Variants in LCLAT1 observed in about 807,000 individuals in gnomAD.
LCLAT1 encodes 1-AGP acyltransferase 8.
A neutral mutation model predicts 30.7 loss-of-function variants in LCLAT1; 11 were observed. The ratio of observed to expected loss-of-function variants is 0.36; its 90% CI spans 0.23 to 0.59. The LOEUF is 0.59. LCLAT1 is among the 20% of genes least tolerant of loss of function. LCLAT1 has a pLI of 0.77. For missense variants in LCLAT1, 402 were observed against 458.6 expected (o/e 0.88, Z 1.13); for synonymous variants, 155 against 151.3 (o/e 1.02, Z -0.18).
At chr2:30,469,574 C>CTTTTTTTTTTT (rs199634493) in intron 1 of LCLAT1, among the ~76,000 whole-genome samples, 1 of 103,836 alleles carries the variant, frequency 9.6e-6, no homozygotes. Flanking sequence ...CAGGTCTCTT[C>CTTTTTTTTTTT]TTTTTTTTTT....
chr2:30,587,099 C>T (rs1481364447), intron 5 of LCLAT1, among the ~76,000 whole-genome samples: 4 of 152,234 alleles, frequency 2.6e-5, no homozygotes, highest in African/African-American at 9.6e-5. Flanking sequence ...CTTGTCCTTT[C>T]TTGCTCTGTC....
At chr2:30,596,312 T>A (rs887488665) in intron 5 of LCLAT1, among the ~76,000 whole-genome samples, 15 of 152,102 alleles carry the variant, frequency 9.9e-5, no homozygotes, top group African/African-American at 1.4e-4. Flanking sequence ...TGTTGTTTCA[T>A]GACTTTTAAA....
At chr2:30,572,024 G>C (rs1422529119) in intron 5 of LCLAT1, among the ~76,000 whole-genome samples, 1 of 152,216 alleles carries the variant, frequency 6.6e-6, no homozygotes, top group Non-Finnish European at 1.5e-5. Context: ...TCATGAAGCA[G>C]AAATTATTCA....
rs1666268025 is a variant in LCLAT1 at position 30,582,961 on chromosome 2, C to T, written c.628+14785C>T. Reference sequence around the variant, plus strand: ...GCTATTCTTTTATAAAGGTCATCCTCTTTTATGACTTCAGAACTTTTAATA... The same window carrying T: ...GCTATTCTTTTATAAAGGTCATCCTTTTTTATGACTTCAGAACTTTTAATA... On this transcript the variant is annotated intron_variant, in intron 5 of 5. Transcript: ENST00000379509. Among the ~76,000 whole-genome samples the T allele has an allele frequency of 3.3e-5, 5 of 152,338 alleles. No individual in the cohort carries two copies. In the South Asian group the frequency reaches 8.3e-4, roughly 25 times the overall value.
intron 5 of LCLAT1, among the ~76,000 whole-genome samples, chr2:30,609,860 T>A (rs555060730): frequency 2.3e-4 from 35 of 152,312 alleles, no homozygotes; most frequent in Non-Finnish European, 4.0e-4. Context: ...AGGCAAGGAT[T>A]GCTTCCATGT....
chr2:30,605,842 G>A (rs970699182), intron 5 of LCLAT1, among the ~76,000 whole-genome samples: 4 of 152,050 alleles, frequency 2.6e-5, no homozygotes, highest in Non-Finnish European at 4.4e-5. Context: ...TCCACGGCTC[G>A]GGGAGGGAGT....
At chr2:30,548,389 A>C (rs1203077411) in intron 3 of LCLAT1, among the ~76,000 whole-genome samples, 1 of 152,158 alleles carries the variant, frequency 6.6e-6, no homozygotes, top group Non-Finnish European at 1.5e-5. Context: ...ACATTTAAGA[A>C]ATACATTGGT....
rs544408306 is a variant in LCLAT1, at chr2:30,566,148, A to G, written c.512-1912A>G. ...AAGTAGGGGGTAGATGGAAAAGTCTACATCTCTAATCTCTCTGTATTTCTG... is the reference window on the plus strand; with the variant it reads ...AAGTAGGGGGTAGATGGAAAAGTCTGCATCTCTAATCTCTCTGTATTTCTG... On this transcript the variant is annotated intron_variant, in intron 4 of 5. Transcript: ENST00000379509. 5.3e-5 allele frequency among the ~76,000 whole-genome samples: 8 copies of G among 152,272 alleles called. No individual in the cohort carries two copies. In the South Asian group the frequency reaches 1.7e-3, roughly 32 times the overall value.
At chr2:30,505,375 G>A (rs1402199465) in intron 1 of LCLAT1, among the ~76,000 whole-genome samples, 2 of 147,130 alleles carry the variant, frequency 1.4e-5, no homozygotes, top group African/African-American at 2.5e-5. Context: ...GGGGAATGGA[G>A]TTTTATTGTT....
intron 5 of LCLAT1, among the ~76,000 whole-genome samples, chr2:30,602,706 A>G (rs969038567): frequency 1.3e-5 from 2 of 151,968 alleles, no homozygotes; most frequent in African/African-American, 4.8e-5. Context: ...CTTTTATTTT[A>G]ATGGTGTGAA....
At chr2:30,623,131 G>A (rs1449218428) in intron 5 of LCLAT1, among the ~76,000 whole-genome samples, 1 of 139,866 alleles carries the variant, frequency 7.1e-6, no homozygotes, top group Non-Finnish European at 1.5e-5. Context: ...TCTGCTCACT[G>A]CAAGCTCCGC....
chr2:30,603,311 A>T (rs929538400), intron 5 of LCLAT1, among the ~76,000 whole-genome samples: 1 of 152,174 alleles, frequency 6.6e-6, no homozygotes, highest in Admixed American at 6.6e-5. Flanking sequence ...TAGAGATACA[A>T]TACAGTGAAC....
At chr2:30,576,957 T>C (rs1045441290) in intron 5 of LCLAT1, among the ~76,000 whole-genome samples, 1 of 151,926 alleles carries the variant, frequency 6.6e-6, no homozygotes, top group Non-Finnish European at 1.5e-5. Context: ...CAAATTCATA[T>C]ACCTCACTTG....
intron 5 of LCLAT1, among the ~76,000 whole-genome samples, chr2:30,591,460 C>T (rs1228860523): frequency 2.0e-5 from 3 of 152,130 alleles, no homozygotes; most frequent in Non-Finnish European, 4.4e-5. Context: ...ATGTTGCATC[C>T]TTTAAGGTCA....
At chr2:30,605,227 C>A (rs1415424055) in intron 5 of LCLAT1, among the ~76,000 whole-genome samples, 1 of 152,222 alleles carries the variant, frequency 6.6e-6, no homozygotes, top group Non-Finnish European at 1.5e-5. Context: ...TGTTTGCACA[C>A]AGCCGTATTT....
chr2:30,598,352 T>G (rs1558545019), intron 5 of LCLAT1, among the ~76,000 whole-genome samples: 1 of 152,120 alleles, frequency 6.6e-6, no homozygotes, highest in Non-Finnish European at 1.5e-5. Flanking sequence ...ATTCAACTTC[T>G]TCCTGGTTCA....
intron 1 of LCLAT1, among the ~76,000 whole-genome samples, chr2:30,518,371 C>T (rs189400781): frequency 6.4e-4 from 98 of 152,236 alleles, no homozygotes; most frequent in African/African-American, 2.2e-3. Context: ...GATAGGAAAA[C>T]TCTTGTAGAA....
intron 2 of LCLAT1, among the ~76,000 whole-genome samples, chr2:30,528,013 G>C (rs1234720127): frequency 6.6e-6 from 1 of 152,116 alleles, no homozygotes. Flanking sequence ...CACCTAGCTT[G>C]GCCTCCAGCC....
chr2:30,526,212 C>T (rs948435587), intron 2 of LCLAT1, among the ~76,000 whole-genome samples: 1 of 151,216 alleles, frequency 6.6e-6, no homozygotes, highest in African/African-American at 2.4e-5. Context: ...TTTTTTCTGC[C>T]TTATTCTCTC....
Sources: allele counts gnomAD v4.1 joint callset (sites outside exome capture counted in the v4.1 genomes callset), GRCh38; gene constraint gnomAD v4.1.1; transcripts MANE v1.5; gene names NCBI Gene and HGNC (gene_info 2026-07-23, HGNC 2026-07-21).